Variants in ATP9A observed in about 807,000 individuals in gnomAD.
ATP9A encodes the protein probable phospholipid-transporting ATPase IIA.
A neutral mutation model predicts 144.1 loss-of-function variants in ATP9A; 52 were observed. That is an observed-to-expected ratio of 0.36 (90% confidence interval 0.29 to 0.45). The LOEUF (loss-of-function observed/expected upper bound fraction) is 0.45. Ranked by LOEUF, ATP9A falls within the 20% of genes least tolerant of loss-of-function variation. The pLI is 1.00. For missense variants in ATP9A, 947 were observed against 1,392.7 expected (o/e 0.68, Z 5.09); for synonymous variants, 582 against 557.4 (o/e 1.04, Z -0.62).
chr20:51,643,712 G>A (rs1447319370), intron 14 of ATP9A, among the ~76,000 whole-genome samples: 1 of 152,144 alleles, frequency 6.6e-6, no homozygotes, highest in Non-Finnish European at 1.5e-5. Context: ...ATGGTATTTT[G>A]TTATAGCAGG....
At chr20:51,714,560 G>T (rs1352752785) in intron 3 of ATP9A, among the ~76,000 whole-genome samples, 2 of 152,154 alleles carry the variant, frequency 1.3e-5, no homozygotes, top group South Asian at 2.1e-4. Context: ...TAGAGACAGG[G>T]TTTCACCATG....
At chr20:51,688,248 G>T (rs376442790) in intron 9 of ATP9A, among the ~76,000 whole-genome samples, 1 of 152,166 alleles carries the variant, frequency 6.6e-6, no homozygotes, top group African/African-American at 2.4e-5. Flanking sequence ...CACTGCTATC[G>T]GGGGTCATAT....
chr20:51,643,094 T>G (rs996065902), intron 14 of ATP9A, among the ~76,000 whole-genome samples: 39 of 152,228 alleles, frequency 2.6e-4, no homozygotes, highest in African/African-American at 9.2e-4. Context: ...CGAGTTCAGT[T>G]TCTGTTGCTT....
intron 1 of ATP9A, among the ~76,000 whole-genome samples, chr20:51,748,901 T>C (rs2077819166): frequency 7.9e-6 from 1 of 126,456 alleles, no homozygotes; most frequent in Admixed American, 8.0e-5. Context: ...ACAGCGCCTC[T>C]AAAGATTAGA....
chr20:51,631,230 T>C (rs528036178), intron 15 of ATP9A, among the ~76,000 whole-genome samples: 1 of 152,238 alleles, frequency 6.6e-6, no homozygotes, highest in Admixed American at 6.5e-5. Context: ...ACCAACAATC[T>C]TTTAGAACAA....
At chr20:51,682,304 G>T (rs1043617210) in intron 9 of ATP9A, among the ~76,000 whole-genome samples, 2 of 152,064 alleles carry the variant, frequency 1.3e-5, no homozygotes, top group African/African-American at 4.8e-5. Flanking sequence ...TTCTGTGTAC[G>T]TACTATCCTT....
intron 1 of ATP9A, among the ~76,000 whole-genome samples, chr20:51,752,245 T>C (rs2077835691): frequency 6.6e-6 from 1 of 152,000 alleles, no homozygotes; most frequent in African/African-American, 2.4e-5. Context: ...TCCTGGAAAA[T>C]AAAACAATGA....
At chr20:51,756,426 G>A (rs528898583) in intron 1 of ATP9A, among the ~76,000 whole-genome samples, 5 of 152,146 alleles carry the variant, frequency 3.3e-5, no homozygotes, top group South Asian at 4.2e-4. Flanking sequence ...TAGTAGCTGA[G>A]ATTACAGGTG....
chr20:51,744,386 A>T (rs562597028), intron 1 of ATP9A, among the ~76,000 whole-genome samples: 38 of 152,146 alleles, frequency 2.5e-4, no homozygotes, highest in African/African-American at 8.9e-4. Context: ...GGCTAGTTTC[A>T]AACGCCTGAC....
chr20:51,663,789 GTC>G (rs2077421269), intron 13 of ATP9A, among the ~76,000 whole-genome samples: 1 of 108,740 alleles, frequency 9.2e-6, no homozygotes, highest in South Asian at 3.7e-4. Context: ...GCGAGACTCC[GTC>G]TCAGAAAAAA....
At chr20:51,644,180 T>C (rs2077331934) in intron 14 of ATP9A, among the ~76,000 whole-genome samples, 1 of 151,762 alleles carries the variant, frequency 6.6e-6, no homozygotes, top group African/African-American at 2.4e-5. Flanking sequence ...TTATCCCATC[T>C]GTCTATGTAA....
intron 1 of ATP9A, among the ~76,000 whole-genome samples, chr20:51,742,510 CCTTTA>C (rs371716404): frequency 1.6e-4 from 24 of 151,956 alleles, no homozygotes; most frequent in African/African-American, 5.6e-4. Context: ...TGCTCCTCCT[CCTTTA>C]CTTTTTTTTT....
rs1248649202 is a variant in ATP9A at position 51,613,852 on chromosome 20, G to A, written c.2416-20C>T. ...TCCTTCCTAAAATCCAATAAAATTA[G>A]GCACCATCAGAAGCACAAGAGGTCA... On this transcript the variant is annotated intron_variant, in intron 22 of 27. Coordinates refer to ENST00000338821, the MANE Select transcript of ATP9A (RefSeq NM_006045.3). 1 of 1,600,894 alleles carries A rather than the reference G, an allele frequency of 6.2e-7. No individual in the cohort carries two copies. Among genetic ancestry groups the A allele is most frequent in the South Asian group, 1.1e-5 (1 of 90,450 alleles).
At chr20:51,677,735 C>T (rs1240650618) in intron 9 of ATP9A, among the ~76,000 whole-genome samples, 1 of 152,194 alleles carries the variant, frequency 6.6e-6, no homozygotes, top group Non-Finnish European at 1.5e-5. Flanking sequence ...TCCCCCACCC[C>T]TTCTATCCTC....
intron 4 of ATP9A, among the ~76,000 whole-genome samples, chr20:51,704,304 G>A (rs551045819): frequency 6.6e-6 from 1 of 151,278 alleles, no homozygotes; most frequent in Non-Finnish European, 1.5e-5. Flanking sequence ...TGAAGTAGAC[G>A]AACACCCTTA....
rs1446503882 is a variant in ATP9A, at chr20:51,768,333, T to G, written c.37A>C (p.Lys13Gln). 1 of 1,311,340 alleles carries G rather than the reference T, an allele frequency of 7.6e-7. No individual in the cohort carries two copies. Among genetic ancestry groups the G allele is most frequent in the Non-Finnish European group, 9.8e-7 (1 of 1,019,874 alleles). 81.2% of individuals were successfully genotyped at this position (1,311,340 alleles called of 1,614,324 possible). A position where few individuals can be genotyped will look rare whatever the true frequency, so the allele number is the denominator to read the frequency against. The change falls in exon 1 of 28, where the codon AAG (lysine) becomes CAG (glutamine). Residue 13 changes from lysine (K) to glutamine (Q), a missense_variant. By Grantham distance (53) the Lys-to-Gln change is moderately conservative (BLOSUM62 1). Around this residue, in one of 2 missense-constraint regions of ATP9A, gnomAD observed 770 missense variants for 1,047.9 expected, o/e 0.73. Transcript: ENST00000338821. The part of the protein sequence containing the change: ...DNIPLQPVRQ[K>Q]KRMDSRPRAG... Reference sequence around the variant, plus strand: ...CGGGGCCTGCTGTCCATCCGCTTCTTCTGGCGCACCGGCTGCAGCGGGATG... The same window carrying G: ...CGGGGCCTGCTGTCCATCCGCTTCTGCTGGCGCACCGGCTGCAGCGGGATG...
chr20:51,629,848 C>A (rs1365809617), intron 15 of ATP9A, among the ~76,000 whole-genome samples: 1 of 152,206 alleles, frequency 6.6e-6, no homozygotes, highest in Non-Finnish European at 1.5e-5. Context: ...CCTCAGTTTT[C>A]TCATCTGTAA....
In ATP9A at chr20:51,599,257, G is replaced by C. The variant is rs1325802243; in HGVS notation, c.*1954C>G. The C allele has an allele frequency of 6.6e-6, 1 of 152,198 alleles. No homozygotes were observed. Among genetic ancestry groups the C allele is most frequent in the African/African-American group, 2.4e-5 (1 of 41,448 alleles). 9.4% of individuals were successfully genotyped at this position (152,198 alleles called of 1,614,324 possible). On this transcript the variant is annotated 3_prime_UTR_variant, in exon 28 of 28. Transcript: ENST00000338821. ...AAGACTTCCCAGCGTTACAGAGCCAGGTTCAGCATCTGCAAAGTCTAAATG... is the reference window on the plus strand; with the variant it reads ...AAGACTTCCCAGCGTTACAGAGCCACGTTCAGCATCTGCAAAGTCTAAATG...
intron 9 of ATP9A, among the ~76,000 whole-genome samples, chr20:51,679,013 G>A (rs2077489032): frequency 6.6e-6 from 1 of 152,018 alleles, no homozygotes; most frequent in Non-Finnish European, 1.5e-5. Flanking sequence ...TTTAAATTCA[G>A]GAGCTTGCCT....
Sources: allele counts gnomAD v4.1 joint callset (sites outside exome capture counted in the v4.1 genomes callset), GRCh38; gene constraint gnomAD v4.1.1; regional missense constraint gnomAD v4.1.1; transcripts MANE v1.5; gene names NCBI Gene and HGNC (gene_info 2026-07-23, HGNC 2026-07-21).